The following BICD1 variants were observed in gnomAD, a reference collection of about 807,000 sequenced individuals.
BICD1 encodes the protein protein bicaudal D homolog 1.
Under a neutral mutation model 92.5 loss-of-function variants are expected in BICD1, and 35 were observed. The ratio of observed to expected loss-of-function variants is 0.38; its 90% CI spans 0.29 to 0.50. The LOEUF (loss-of-function observed/expected upper bound fraction) is 0.50, where lower values mean the gene tolerates loss of function less well. Ranked by LOEUF, BICD1 falls within the 20% of genes least tolerant of loss-of-function variation. The pLI is 0.93. For synonymous variants in BICD1, 429 were observed against 465.1 expected (o/e 0.92, Z 1.00); for missense variants, 950 against 1,189.8 (o/e 0.80, Z 2.97).
chr12:32,198,913 C>T (rs1245633788), intron 1 of BICD1, among the ~76,000 whole-genome samples: 1 of 152,136 alleles, frequency 6.6e-6, no homozygotes, highest in Admixed American at 6.5e-5. Context: ...CTTGACATCC[C>T]AGTCCAAGCT....
chr12:32,186,850 G>C (rs1191715531), intron 1 of BICD1, among the ~76,000 whole-genome samples: 1 of 152,214 alleles, frequency 6.6e-6, no homozygotes, highest in Non-Finnish European at 1.5e-5. Context: ...AAACCATTTA[G>C]AGGTGTTATA....
chr12:32,187,674 A>AAAAAAGG (rs1231127893), intron 1 of BICD1, among the ~76,000 whole-genome samples: 1 of 152,178 alleles, frequency 6.6e-6, no homozygotes, highest in Non-Finnish European at 1.5e-5. Flanking sequence ...TCCATATCAA[A>AAAAAAGG]AAAAAGGAAA....
intron 2 of BICD1, among the ~76,000 whole-genome samples, chr12:32,276,008 G>A (rs1447529814): frequency 6.6e-6 from 1 of 152,046 alleles, no homozygotes; most frequent in African/African-American, 2.4e-5. Context: ...CTTGGAAGCG[G>A]CTTGCCACCA....
chr12:32,204,251 G>C (rs955320270), intron 1 of BICD1, among the ~76,000 whole-genome samples: 1 of 151,554 alleles, frequency 6.6e-6, no homozygotes, highest in African/African-American at 2.4e-5. Flanking sequence ...TTGGGAGGCT[G>C]AGGTGGGAAG....
intron 1 of BICD1, among the ~76,000 whole-genome samples, chr12:32,111,135 A>C (rs1592311523): frequency 1.3e-5 from 2 of 152,196 alleles, no homozygotes; most frequent in East Asian, 3.8e-4. Flanking sequence ...GCTTTAGAAA[A>C]GTTTTGCAGC....
intron 1 of BICD1, among the ~76,000 whole-genome samples, chr12:32,142,989 A>G (rs1942993823): frequency 6.6e-6 from 1 of 152,066 alleles, no homozygotes; most frequent in Non-Finnish European, 1.5e-5. Context: ...TTCTCAACCT[A>G]TTCCCCTATC....
chr12:32,243,480 A>T (rs1264745721), intron 2 of BICD1, among the ~76,000 whole-genome samples: 1 of 152,064 alleles, frequency 6.6e-6, no homozygotes, highest in Non-Finnish European at 1.5e-5. Context: ...AAATATAATT[A>T]AAAATAATTG....
At chr12:32,182,333 A>C (rs937565612) in intron 1 of BICD1, among the ~76,000 whole-genome samples, 1 of 119,700 alleles carries the variant, frequency 8.4e-6, no homozygotes, top group Non-Finnish European at 1.6e-5. Context: ...CCCAGGCTGG[A>C]GTACAATGGT....
intron 1 of BICD1, among the ~76,000 whole-genome samples, chr12:32,143,195 A>G (rs1943000721): frequency 6.6e-6 from 1 of 152,228 alleles, no homozygotes; most frequent in African/African-American, 2.4e-5. Flanking sequence ...TTAACAAATA[A>G]TATAAACCTG....
At chr12:32,275,796 G>T (rs1182532969) in intron 2 of BICD1, among the ~76,000 whole-genome samples, 1 of 152,094 alleles carries the variant, frequency 6.6e-6, no homozygotes, top group Non-Finnish European at 1.5e-5. Flanking sequence ...GCTTGCCATT[G>T]TTCCTGCACG....
chr12:32,242,527 A>C (rs1236441770), intron 2 of BICD1, among the ~76,000 whole-genome samples: 1 of 149,548 alleles, frequency 6.7e-6, no homozygotes, highest in Non-Finnish European at 1.5e-5. Context: ...ACTCTGTCTT[A>C]AAAGAAAAAA....
At chr12:32,217,930 C>A (rs536434271) in intron 2 of BICD1, among the ~76,000 whole-genome samples, 13 of 152,320 alleles carry the variant, frequency 8.5e-5, no homozygotes, top group African/African-American at 3.1e-4. Flanking sequence ...GAGGATGTGG[C>A]ATGGGCAACG....
At chr12:32,219,795 G>T (rs776900793) in intron 2 of BICD1, among the ~76,000 whole-genome samples, 13 of 151,932 alleles carry the variant, frequency 8.6e-5, no homozygotes, top group Non-Finnish European at 1.5e-4. Flanking sequence ...TAGCCTTATT[G>T]TATATATGTT....
rs79137392 is a variant in BICD1, at chr12:32,176,443, G to A, written c.214-39804G>A. ...AGGTATAACTTACATATGATAAAAT[G>A]CTCAGATCTTAAGTGTACAGTTCAA... On this transcript the variant is annotated intron_variant, in intron 1 of 9. Coordinates refer to ENST00000652176, the MANE Select transcript of BICD1 (RefSeq NM_001714.4). 2.1e-3 allele frequency among the ~76,000 whole-genome samples: 324 copies of A among 152,234 alleles called. 5 individuals are homozygous for A. In the East Asian group the frequency reaches 0.041, roughly 19 times the overall value.
At chr12:32,341,692 A>G (rs1319975944) in intron 8 of BICD1, among the ~76,000 whole-genome samples, 2 of 152,210 alleles carry the variant, frequency 1.3e-5, no homozygotes, top group African/African-American at 2.4e-5. Flanking sequence ...GTAAATTATT[A>G]TCAAATCAAT....
At chr12:32,319,401 C>T (rs185398546) in intron 4 of BICD1, among the ~76,000 whole-genome samples, 1 of 152,180 alleles carries the variant, frequency 6.6e-6, no homozygotes, top group African/African-American at 2.4e-5. Flanking sequence ...TATTTATTGA[C>T]TCTTGAATGT....
intron 9 of BICD1, chr12:32,368,149 C>T (rs1481115882): frequency 5.9e-6 from 1 of 170,032 alleles, no homozygotes; most frequent in African/African-American, 2.4e-5. Flanking sequence ...ACTAATTGAC[C>T]TGATTTGATT....
At chr12:32,233,760 T>C (rs778056031) in intron 2 of BICD1, among the ~76,000 whole-genome samples, 2 of 152,222 alleles carry the variant, frequency 1.3e-5, no homozygotes, top group Non-Finnish European at 2.9e-5. Context: ...GGGCAAGTAA[T>C]GCATAGTCAG....
At chr12:32,312,136 A>C (rs969437671) in intron 4 of BICD1, among the ~76,000 whole-genome samples, 1 of 152,202 alleles carries the variant, frequency 6.6e-6, no homozygotes, top group African/African-American at 2.4e-5. Context: ...CTCATTCAAA[A>C]GGGGAAGGTA....
Sources: allele counts gnomAD v4.1 joint callset (sites outside exome capture counted in the v4.1 genomes callset), GRCh38; gene constraint gnomAD v4.1.1; transcripts MANE v1.5; gene names NCBI Gene and HGNC (gene_info 2026-07-23, HGNC 2026-07-21).